ZSWIM5: variants seen among roughly 807,000 people sequenced by gnomAD.
ZSWIM5 encodes zinc finger SWIM domain-containing protein 5.
Under a neutral mutation model 119.6 loss-of-function variants are expected in ZSWIM5, and 55 were observed. The ratio of observed to expected loss-of-function variants is 0.46; its 90% confidence interval spans 0.37 to 0.58. The LOEUF (loss-of-function observed/expected upper bound fraction) is 0.58. ZSWIM5 is among the 20% of genes least tolerant of loss of function. ZSWIM5 has a pLI of 0.00. For synonymous variants in ZSWIM5, 537 were observed against 606.9 expected (o/e 0.88, Z 1.69); for missense variants, 1,193 against 1,512.8 (o/e 0.79, Z 3.51).
chr1:45,028,822 C>A (rs948542126), intron 11 of ZSWIM5, among the ~76,000 whole-genome samples: 2 of 152,172 alleles, frequency 1.3e-5, no homozygotes, highest in East Asian at 3.9e-4. Flanking sequence ...GTGGCTCACA[C>A]CTGTAATCCC....
intron 1 of ZSWIM5, among the ~76,000 whole-genome samples, chr1:45,130,135 T>C (rs985910276): frequency 6.6e-6 from 1 of 152,230 alleles, no homozygotes; most frequent in African/African-American, 2.4e-5. Flanking sequence ...TGACCTCAAG[T>C]GATCCACATG....
At chr1:45,122,426 ACTT>A (rs1004242281) in intron 1 of ZSWIM5, among the ~76,000 whole-genome samples, 1 of 152,242 alleles carries the variant, frequency 6.6e-6, no homozygotes, top group Non-Finnish European at 1.5e-5. Flanking sequence ...GCCATTAGTA[ACTT>A]CTTCTGGGAA....
intron 1 of ZSWIM5, among the ~76,000 whole-genome samples, chr1:45,169,121 A>C (rs1403014961): frequency 1.3e-5 from 2 of 151,816 alleles, no homozygotes; most frequent in Non-Finnish European, 2.9e-5. Flanking sequence ...CTTCCAACAC[A>C]TCATGTTCCT....
At chr1:45,126,946 C>T (rs1259701177) in intron 1 of ZSWIM5, among the ~76,000 whole-genome samples, 1 of 152,150 alleles carries the variant, frequency 6.6e-6, no homozygotes. Context: ...TCAAGCAATG[C>T]TACCACCTCG....
Position 45,019,926 on chromosome 1 carries a change from C to T in ZSWIM5, c.2695+140G>A, listed in dbSNP as rs1456521018. On this transcript the variant is annotated intron_variant, in intron 13 of 13. Coordinates refer to ENST00000359600, the MANE Select transcript of ZSWIM5 (RefSeq NM_020883.2). This position sits in a 1 kb window ranked among gnomAD's most constrained non-coding sequence, Gnocchi z 5.0. ...AGAGGCCACCTTCTCCTACCAGCAG[C>T]CCCATCCTTTCTTAGGCCATCTCCT... 4 of 717,610 alleles carry T rather than the reference C, an allele frequency of 5.6e-6. No individual in the cohort carries two copies. The highest frequency in any genetic ancestry group is 9.4e-6 in the Non-Finnish European group (4 of 426,330). The allele number at this position is 717,610 out of a possible 1,614,324, so 44.5% of individuals were successfully genotyped here.
intron 1 of ZSWIM5, among the ~76,000 whole-genome samples, chr1:45,168,101 T>A (rs1238122897): frequency 6.6e-6 from 1 of 152,138 alleles, no homozygotes; most frequent in South Asian, 2.1e-4. Flanking sequence ...TAGACTGGAT[T>A]AAGAAAATGT....
At chr1:45,090,977 T>C (rs1169591357) in intron 1 of ZSWIM5, among the ~76,000 whole-genome samples, 1 of 152,146 alleles carries the variant, frequency 6.6e-6, no homozygotes, top group Admixed American at 6.5e-5. Context: ...GAACCTGATA[T>C]TTACTATGGA....
rs368956937 is a variant in ZSWIM5, at chr1:45,143,590, T to G, written c.596-55353A>C. Among the ~76,000 whole-genome samples, 7 of 151,976 alleles carry G rather than the reference T, an allele frequency of 4.6e-5. No individual in the cohort carries two copies. The East Asian group carries it at 1.4e-3, about 29-fold the overall frequency. ...AAATGGTGAAAGACTCAATGCCTCC[T>G]TTCTAATATCGGGAATAAGGCAATG... On this transcript the variant is annotated intron_variant, in intron 1 of 13. Coordinates refer to ENST00000359600, the MANE Select transcript of ZSWIM5 (RefSeq NM_020883.2).
chr1:45,190,927 A>ATT (rs746764436), intron 1 of ZSWIM5, among the ~76,000 whole-genome samples: 2,018 of 48,994 alleles, frequency 0.041, 721 homozygotes, highest in African/African-American at 0.06. Flanking sequence ...AATAGCTGGA[A>ATT]TTTTTTTTTT....
At position 45,058,597 on chromosome 1, in the gene ZSWIM5, A is replaced by G; in HGVS notation, c.1252+12T>C. On this transcript the variant is annotated intron_variant, in intron 4 of 13. Coordinates refer to ENST00000359600, the MANE Select transcript of ZSWIM5 (RefSeq NM_020883.2). Reference sequence around the variant, plus strand: ...GTAGAACAAAGCACTTCTCTGAATGATGGGAACTTACCTAGCTCATCCCAG... The same window carrying G: ...GTAGAACAAAGCACTTCTCTGAATGGTGGGAACTTACCTAGCTCATCCCAG... The G allele has an allele frequency of 1.2e-6, 2 of 1,614,132 alleles. No individual in the cohort carries two copies. Among genetic ancestry groups the G allele is most frequent in the Non-Finnish European group, 1.7e-6 (2 of 1,179,994 alleles).
intron 6 of ZSWIM5, among the ~76,000 whole-genome samples, chr1:45,042,792 T>G (rs1645024109): frequency 6.6e-6 from 1 of 152,194 alleles, no homozygotes; most frequent in African/African-American, 2.4e-5. Flanking sequence ...AAAGGAAGAC[T>G]GCTTGGTGAC....
In ZSWIM5 at chr1:45,043,189, C is replaced by T. The variant is rs569721577; in HGVS notation, c.1609+30G>A. On this transcript the variant is annotated intron_variant, in intron 6 of 13. Transcript: ENST00000359600. ...GGCCTGGCATGAAGTGAGGGTGGCTCTAAAGTTCTTAGAGGAGGGCTAGAC... is the reference window on the plus strand; with the variant it reads ...GGCCTGGCATGAAGTGAGGGTGGCTTTAAAGTTCTTAGAGGAGGGCTAGAC... 34 of 1,609,240 alleles carry T rather than the reference C, an allele frequency of 2.1e-5. No individual in the cohort carries two copies. The African/African-American group carries it at 4.1e-4, about 20-fold the overall frequency.
intron 1 of ZSWIM5, among the ~76,000 whole-genome samples, chr1:45,134,193 A>G (rs1645676033): frequency 6.6e-6 from 1 of 152,166 alleles, no homozygotes; most frequent in Admixed American, 6.5e-5. Context: ...TCTATAAATT[A>G]CCTTGGGCAG....
intron 1 of ZSWIM5, among the ~76,000 whole-genome samples, chr1:45,105,625 G>T: frequency 6.8e-6 from 1 of 146,644 alleles, no homozygotes. Flanking sequence ...GAGCGCCTCT[G>T]CCCGGCCGCC....
At chr1:45,124,878 C>G (rs535594401) in intron 1 of ZSWIM5, among the ~76,000 whole-genome samples, 4 of 152,208 alleles carry the variant, frequency 2.6e-5, no homozygotes, top group Admixed American at 1.3e-4. Context: ...ATGATAGAGT[C>G]AATTAACCCA....
chr1:45,101,035 T>C (rs887248746), intron 1 of ZSWIM5, among the ~76,000 whole-genome samples: 3 of 151,994 alleles, frequency 2.0e-5, no homozygotes, highest in Admixed American at 6.5e-5. Context: ...AAAGCCAAAA[T>C]TGACAAATGG....
chr1:45,118,003 A>C (rs1012259684), intron 1 of ZSWIM5, among the ~76,000 whole-genome samples: 1 of 151,982 alleles, frequency 6.6e-6, no homozygotes, highest in Non-Finnish European at 1.5e-5. Context: ...TGGGAGGCAG[A>C]GCTTGCAGAG....
At chr1:45,033,934 C>T (rs542494697) in intron 11 of ZSWIM5, among the ~76,000 whole-genome samples, 5 of 151,588 alleles carry the variant, frequency 3.3e-5, no homozygotes, top group African/African-American at 1.2e-4. Flanking sequence ...ACGATCTTGG[C>T]TCACTGCAAG....
At chr1:45,070,046 G>GAC in intron 2 of ZSWIM5, 1 of 829,886 alleles carries the variant, frequency 1.2e-6, no homozygotes, top group East Asian at 2.4e-5. Flanking sequence ...ACCTCAATAA[G>GAC]ACACACACGA....
Sources: allele counts gnomAD v4.1 joint callset (sites outside exome capture counted in the v4.1 genomes callset), GRCh38; gene constraint gnomAD v4.1.1; non-coding constraint Gnocchi (gnomAD v3.1); transcripts MANE v1.5; gene names NCBI Gene and HGNC (gene_info 2026-07-23, HGNC 2026-07-21).